The following RAPGEF4 variants were observed in gnomAD, a reference collection of about 807,000 sequenced individuals.
The protein encoded by RAPGEF4 is RAP guanine-nucleotide-exchange factor (GEF) 4.
A neutral mutation model predicts 147.9 loss-of-function variants in RAPGEF4; 66 were observed. The observed-to-expected ratio is 0.45, with a 90% CI of 0.37 to 0.55. The LOEUF is 0.55. Ranked by LOEUF, RAPGEF4 falls within the 20% of genes least tolerant of loss-of-function variation. RAPGEF4 has a pLI of 0.00. For missense variants in RAPGEF4, 1,071 were observed against 1,257.3 expected, an observed-to-expected ratio of 0.85 and a Z score of 2.24; for synonymous variants, 419 against 442.7, an observed-to-expected ratio of 0.95 and a Z score of 0.67.
At chr2:172,983,843 T>C (rs948313336) in intron 11 of RAPGEF4, among the ~76,000 whole-genome samples, 11 of 152,180 alleles carry the variant, frequency 7.2e-5, no homozygotes, top group Non-Finnish European at 1.5e-4. Flanking sequence ...GAACATGGGC[T>C]TCATCCCTGT....
intron 6 of RAPGEF4, among the ~76,000 whole-genome samples, chr2:172,924,146 T>C (rs1046608975): frequency 3.3e-5 from 5 of 152,190 alleles, no homozygotes; most frequent in Non-Finnish European, 5.9e-5. Flanking sequence ...TTGTCCTTCC[T>C]CATCAACAGA....
At chr2:172,863,699 C>G (rs1436119389) in intron 4 of RAPGEF4, among the ~76,000 whole-genome samples, 7 of 152,080 alleles carry the variant, frequency 4.6e-5, no homozygotes, top group Admixed American at 3.3e-4. Flanking sequence ...GAAATTCAAG[C>G]AAGAATCAAA....
intron 10 of RAPGEF4, among the ~76,000 whole-genome samples, chr2:172,970,296 G>T (rs1376041693): frequency 6.6e-6 from 1 of 151,868 alleles, no homozygotes; most frequent in Non-Finnish European, 1.5e-5. Flanking sequence ...TCCTTGAAGG[G>T]ACCAACCAAG....
intron 1 of RAPGEF4, among the ~76,000 whole-genome samples, chr2:172,739,647 A>T (rs1280804278): frequency 6.6e-6 from 1 of 152,240 alleles, no homozygotes; most frequent in East Asian, 1.9e-4. Flanking sequence ...CTGGGAATAC[A>T]GGTGTGAGCC....
Position 172,736,032 on chromosome 2 carries a change from G to A in RAPGEF4, c.49G>A (p.Ala17Thr), listed in dbSNP as rs1261313905. Reference protein sequence around the residue: ...AHSSSSAEWIACLDKRPLERS... With the variant: ...AHSSSSAEWITCLDKRPLERS... ...TTCTTCCTCCTCTGCCGAGTGGATC[G>A]CCTGCCTGGATAAAAGGTAGCTCGC... Residue 17 changes from alanine to threonine, a missense_variant, in exon 1 of 31, where the codon GCC becomes ACC. Physicochemically the swap from Ala to Thr is moderately conservative, Grantham distance 58 (BLOSUM62 0). Transcript: ENST00000397081. 6.9e-7 allele frequency: 1 copy of A among 1,456,596 alleles called. No individual in the cohort carries two copies. Among genetic ancestry groups the A allele is most frequent in the Non-Finnish European group, 9.0e-7 (1 of 1,105,660 alleles). 90.2% of individuals were successfully genotyped at this position (1,456,596 alleles called of 1,614,324 possible).
intron 4 of RAPGEF4, among the ~76,000 whole-genome samples, chr2:172,866,924 G>A (rs1176488505): frequency 1.3e-5 from 2 of 150,916 alleles, no homozygotes; most frequent in South Asian, 2.1e-4. Flanking sequence ...TTTAGAATGC[G>A]AAAGTCTTTT....
chr2:172,930,929 G>A (rs1050568162), intron 6 of RAPGEF4, among the ~76,000 whole-genome samples: 5 of 152,090 alleles, frequency 3.3e-5, no homozygotes, highest in Admixed American at 6.5e-5. Flanking sequence ...TAGTTTGAGG[G>A]AAAAGGAAGA....
intron 4 of RAPGEF4, among the ~76,000 whole-genome samples, chr2:172,889,610 C>T (rs1697662831): frequency 1.3e-5 from 2 of 151,694 alleles, no homozygotes; most frequent in East Asian, 1.9e-4. Flanking sequence ...AGGCTTTAAT[C>T]AAATATATAT....
At chr2:172,889,327 T>G (rs533206441) in intron 4 of RAPGEF4, among the ~76,000 whole-genome samples, 4 of 152,338 alleles carry the variant, frequency 2.6e-5, no homozygotes, top group African/African-American at 9.6e-5. Context: ...TACTGGATTT[T>G]CATTGTTCAG....
At chr2:172,904,162 A>G (rs756385159) in intron 4 of RAPGEF4, among the ~76,000 whole-genome samples, 6 of 152,140 alleles carry the variant, frequency 3.9e-5, no homozygotes, top group Non-Finnish European at 4.4e-5. Flanking sequence ...TACTGACATT[A>G]TTGTTAATTT....
chr2:173,012,565 T>C (rs1416119677), intron 17 of RAPGEF4, among the ~76,000 whole-genome samples: 2 of 152,268 alleles, frequency 1.3e-5, no homozygotes, highest in Non-Finnish European at 2.9e-5. Flanking sequence ...TTATGTTAGT[T>C]TGTGGCACCT....
chr2:172,786,121 C>A (rs912263793), intron 1 of RAPGEF4, among the ~76,000 whole-genome samples: 6 of 152,100 alleles, frequency 3.9e-5, no homozygotes, highest in Non-Finnish European at 8.8e-5. Context: ...CCTAGATAAT[C>A]CAGAGTTGAC....
chr2:172,752,989 A>G (rs1028967352), intron 1 of RAPGEF4, among the ~76,000 whole-genome samples: 4 of 152,172 alleles, frequency 2.6e-5, no homozygotes, highest in Non-Finnish European at 5.9e-5. Context: ...AACATTTAAC[A>G]GGTCATGGAT....
At chr2:172,825,638 C>CATTA in intron 4 of RAPGEF4, among the ~76,000 whole-genome samples, 1 of 152,284 alleles carries the variant, frequency 6.6e-6, no homozygotes, top group African/African-American at 2.4e-5. Flanking sequence ...ATGATTGAGA[C>CATTA]ATTAACCCTC....
In RAPGEF4 at chr2:172,965,743, T is replaced by C. The variant is rs575261609; in HGVS notation, c.820+60T>C. The C allele has an allele frequency of 5.8e-5, 93 of 1,605,668 alleles. 3 individuals are homozygous for C. The Middle Eastern group carries it at 1.2e-3, about 20-fold the overall frequency. On this transcript the variant is annotated intron_variant, in intron 9 of 30. Transcript: ENST00000397081. ...GAAATGCTAAGTGCATTTCCCTGGG[T>C]AAGTAGTTGCTGAACTCTTGAATGG... is the stretch of plus-strand genomic sequence containing the variant.
chr2:172,965,498 C>T, intron 8 of RAPGEF4, 64 bp from the exon 9 acceptor site: 2 of 1,550,890 alleles, frequency 1.3e-6, no homozygotes. Flanking sequence ...TCTCAAAAGC[C>T]ATCTCCCATC....
chr2:172,849,707 T>C (rs1308290943), intron 4 of RAPGEF4, among the ~76,000 whole-genome samples: 3 of 152,238 alleles, frequency 2.0e-5, no homozygotes, highest in Non-Finnish European at 2.9e-5. Context: ...ATCTTGATGC[T>C]TGGGAGACCT....
chr2:172,804,045 A>T (rs1687231358), intron 3 of RAPGEF4, among the ~76,000 whole-genome samples: 1 of 152,130 alleles, frequency 6.6e-6, no homozygotes, highest in Non-Finnish European at 1.5e-5. Context: ...GAATTGTGGG[A>T]GTTACAATTC....
At chr2:172,899,403 G>A (rs1698839134) in intron 4 of RAPGEF4, among the ~76,000 whole-genome samples, 2 of 152,198 alleles carry the variant, frequency 1.3e-5, no homozygotes, top group Admixed American at 6.5e-5. Context: ...GTTTTAGTGT[G>A]TGATCAAAGA....
Sources: gnomAD v4.1 joint callset for allele counts (sites outside exome capture counted in the v4.1 genomes callset) on GRCh38, gnomAD v4.1.1 for gene constraint, MANE v1.5 for transcripts, NCBI Gene and HGNC (gene_info 2026-07-23, HGNC 2026-07-21) for gene names.